The following PTPN14 variants were observed in gnomAD, a reference collection of about 807,000 sequenced individuals.
The protein encoded by PTPN14 is protein tyrosine phosphatase non-receptor type 14, also known as tyrosine-protein phosphatase non-receptor type 14.
PTPN14 carries 53 observed loss-of-function variants against 126.8 expected under a neutral mutation model. The ratio of observed to expected loss-of-function variants is 0.42; its 90% CI spans 0.34 to 0.53. The LOEUF (loss-of-function observed/expected upper bound fraction) is 0.53. Ranked by LOEUF, PTPN14 falls within the 20% of genes least tolerant of loss-of-function variation. PTPN14 has a pLI of 0.08. For missense variants in PTPN14, 1,257 were observed against 1,552.9 expected (o/e 0.81, Z 3.20); for synonymous variants, 630 against 599.3 (o/e 1.05, Z -0.75).
rs1657851214 is a variant in PTPN14 at position 214,357,500 on chromosome 1, T to C, written c.*422A>G. The C allele has an allele frequency of 6.5e-6, 1 of 152,900 alleles. No homozygotes were observed. 9.5% of individuals were successfully genotyped at this position (152,900 alleles called of 1,614,324 possible). A position where few individuals can be genotyped will look rare whatever the true frequency, so the allele number is the denominator to read the frequency against. ...TTGGATATAAGCAATGAATGATGAA[T>C]GAATCAAGCTGATAAATGAATTAAG... is the stretch of plus-strand genomic sequence containing the variant. On this transcript the variant is annotated 3_prime_UTR_variant, in exon 19 of 19. Coordinates refer to ENST00000366956, the MANE Select transcript of PTPN14 (RefSeq NM_005401.5).
Position 214,357,492 on chromosome 1 carries a change from A to C in PTPN14, c.*430T>G, listed in dbSNP as rs888987875. On this transcript the variant is annotated 3_prime_UTR_variant, in exon 19 of 19. Coordinates refer to ENST00000366956, the MANE Select transcript of PTPN14 (RefSeq NM_005401.5). ...TCTTTGCTTTGGATATAAGCAATGAATGATGAATGAATCAAGCTGATAAAT... is the reference window on the plus strand; with the variant it reads ...TCTTTGCTTTGGATATAAGCAATGACTGATGAATGAATCAAGCTGATAAAT... 4 of 152,758 alleles carry C rather than the reference A, an allele frequency of 2.6e-5. No homozygotes were observed. Among genetic ancestry groups the C allele is most frequent in the Admixed American group, 1.3e-4 (2 of 15,308 alleles). 9.5% of individuals were successfully genotyped at this position (152,758 alleles called of 1,614,324 possible). A position where few individuals can be genotyped will look rare whatever the true frequency, so the allele number is the denominator to read the frequency against.
rs140309625 is a variant in PTPN14 at position 214,537,505 on chromosome 1, T to C, written c.-155+13678A>G. 4.0e-3 allele frequency among the ~76,000 whole-genome samples: 608 copies of C among 152,344 alleles called. 5 individuals are homozygous for C. The highest frequency in any genetic ancestry group is 0.014 in the African/African-American group (591 of 41,576). The stretch of plus-strand genomic sequence containing the variant: ...ACTTAGCCTTTCTAAGCCCGAGTTG[T>C]CTCATCTACAATAGGCCAAAGATAG... On this transcript the variant is annotated intron_variant, in intron 1 of 18. Transcript: ENST00000366956.
At chr1:214,471,891 CT>C (rs1660767806) in intron 1 of PTPN14, among the ~76,000 whole-genome samples, 1 of 152,128 alleles carries the variant, frequency 6.6e-6, no homozygotes, top group African/African-American at 2.4e-5. Flanking sequence ...GCCCATTGTT[CT>C]TTTTTTCCCC....
chr1:214,439,652 T>C (rs1269775277), intron 3 of PTPN14, among the ~76,000 whole-genome samples: 1 of 152,224 alleles, frequency 6.6e-6, no homozygotes, highest in African/African-American at 2.4e-5. Flanking sequence ...TGTCCCGCTA[T>C]GATTACGCCT....
intron 3 of PTPN14, among the ~76,000 whole-genome samples, chr1:214,438,629 T>G (rs976884096): frequency 1.3e-5 from 2 of 152,156 alleles, no homozygotes; most frequent in Admixed American, 6.5e-5. Context: ...TTACAGTGAT[T>G]TGGGTTTTAC....
chr1:214,543,911 G>A (rs1362093613), intron 1 of PTPN14, among the ~76,000 whole-genome samples: 5 of 152,106 alleles, frequency 3.3e-5, no homozygotes, highest in Admixed American at 6.5e-5. Context: ...GAGCCACTGC[G>A]CCCGGCCACA....
chr1:214,535,669 C>T (rs1241179210), intron 1 of PTPN14, among the ~76,000 whole-genome samples: 1 of 151,710 alleles, frequency 6.6e-6, no homozygotes, highest in Non-Finnish European at 1.5e-5. Context: ...ATCCCAGCTA[C>T]TTAGGAGGTT....
intron 1 of PTPN14, among the ~76,000 whole-genome samples, chr1:214,469,942 T>C (rs1363085574): frequency 3.9e-5 from 6 of 152,172 alleles, no homozygotes; most frequent in African/African-American, 9.7e-5. Flanking sequence ...ACTTAATATA[T>C]AGTTTTATTG....
chr1:214,484,420 TAATA>T (rs1423854607), intron 1 of PTPN14, among the ~76,000 whole-genome samples: 1 of 152,056 alleles, frequency 6.6e-6, no homozygotes, highest in African/African-American at 2.4e-5. Flanking sequence ...CTTTAAAAAA[TAATA>T]AATAAACATG....
chr1:214,415,279 A>G (rs1403105797), intron 3 of PTPN14, among the ~76,000 whole-genome samples: 2 of 152,206 alleles, frequency 1.3e-5, no homozygotes, highest in African/African-American at 4.8e-5. Flanking sequence ...AAATTCTCAA[A>G]CCAGCAAAGT....
At chr1:214,534,575 T>C in intron 1 of PTPN14, among the ~76,000 whole-genome samples, 2 of 151,974 alleles carry the variant, frequency 1.3e-5, no homozygotes, top group South Asian at 2.1e-4. Flanking sequence ...TAGCCGGGCA[T>C]GGTGGTGGGT....
chr1:214,386,268 T>C (rs1319100661), intron 12 of PTPN14, among the ~76,000 whole-genome samples: 1 of 152,220 alleles, frequency 6.6e-6, no homozygotes, highest in Non-Finnish European at 1.5e-5. Flanking sequence ...GTTGTTATCA[T>C]GGAGTCATTA....
At chr1:214,390,312 C>G (rs561699488) in intron 11 of PTPN14, among the ~76,000 whole-genome samples, 2 of 152,286 alleles carry the variant, frequency 1.3e-5, no homozygotes, top group East Asian at 3.9e-4. Flanking sequence ...TAGCCTAAGA[C>G]AGAACACATG....
rs377386500 is a variant in PTPN14, at chr1:214,364,489, G to T, written c.3435+23C>A. 2.4e-5 allele frequency: 38 copies of T among 1,610,304 alleles called. No homozygotes were observed. The highest frequency in any genetic ancestry group is 5.3e-5 in the African/African-American group (4 of 74,820). Reference sequence around the variant, plus strand: ...ACTTGTCCCCAAGGTGGAGTATCCGGAGAGAAGCCCAGAATGACTCACTTC... The same window carrying T: ...ACTTGTCCCCAAGGTGGAGTATCCGTAGAGAAGCCCAGAATGACTCACTTC... On this transcript the variant is annotated intron_variant, in intron 18 of 18. Coordinates refer to ENST00000366956, the MANE Select transcript of PTPN14 (RefSeq NM_005401.5). This position sits in a 1 kb window ranked among gnomAD's most constrained non-coding sequence, Gnocchi z 4.1.
intron 7 of PTPN14, among the ~76,000 whole-genome samples, chr1:214,400,444 C>A (rs1423095727): frequency 3.9e-5 from 6 of 152,164 alleles, no homozygotes; most frequent in Non-Finnish European, 7.4e-5. Flanking sequence ...GGTATTATAA[C>A]CCTGTTGGTC....
intron 10 of PTPN14, 97 bp downstream of exon 10, chr1:214,393,598 A>G: frequency 5.0e-6 from 5 of 1,009,542 alleles, no homozygotes; most frequent in Non-Finnish European, 7.5e-6. Flanking sequence ...GAACAAGGAA[A>G]AAGAGTGAAT....
rs556620719 is a variant in PTPN14 at position 214,447,846 on chromosome 1, A to G, written c.344+3959T>C. On this transcript the variant is annotated intron_variant, in intron 3 of 18. Coordinates refer to ENST00000366956, the MANE Select transcript of PTPN14 (RefSeq NM_005401.5). The stretch of plus-strand genomic sequence containing the variant: ...CTAAAAATATCTTTCAAAGTTTAAA[A>G]TTTTTTGTTAGTTTTTCTGATCAAA... Among the ~76,000 whole-genome samples the G allele has an allele frequency of 2.6e-5, 4 of 152,300 alleles. 1 individual carries two copies. The South Asian group carries it at 8.3e-4, about 32-fold the overall frequency.
chr1:214,404,747 C>T (rs2102570156), intron 5 of PTPN14, among the ~76,000 whole-genome samples: 1 of 152,326 alleles, frequency 6.6e-6, no homozygotes, highest in East Asian at 1.9e-4. Flanking sequence ...CACAGCCACA[C>T]ACCTGTGGAG....
Position 214,393,770 on chromosome 1 carries a change from A to T in PTPN14, c.854T>A (p.Ile285Asn). 1 of 1,592,500 alleles carries T rather than the reference A, an allele frequency of 6.3e-7. No individual in the cohort carries two copies. The highest frequency in any genetic ancestry group is 2.2e-5 in the East Asian group (1 of 44,768). The change falls in exon 10 of 19, where the codon ATC becomes AAC. Residue 285 changes from isoleucine (I) to asparagine (N), a missense_variant. Physicochemically the swap from Ile to Asn is moderately radical, Grantham distance 149. Transcript: ENST00000366956. ...EETALFHTDD[I>N]ENAKYISRLF... Reference sequence around the variant, plus strand: ...CCGAGAAATATACTTGGCATTTTCGATATCATCCTTGGAAAAGAAGAGACA... The same window carrying T: ...CCGAGAAATATACTTGGCATTTTCGTTATCATCCTTGGAAAAGAAGAGACA...
Sources: allele counts gnomAD v4.1 joint callset (sites outside exome capture counted in the v4.1 genomes callset), GRCh38; gene constraint gnomAD v4.1.1; non-coding constraint Gnocchi (gnomAD v3.1); transcripts MANE v1.5; gene names NCBI Gene and HGNC (gene_info 2026-07-23, HGNC 2026-07-21).